The following SIPA1L3 variants were observed in gnomAD, a reference collection of about 807,000 sequenced individuals.
The protein encoded by SIPA1L3 is signal induced proliferation associated 1 like 3.
In SIPA1L3, 59 loss-of-function variants were observed where a neutral mutation model predicts 150.1. That is an observed-to-expected ratio of 0.39 (90% confidence interval 0.32 to 0.49). The LOEUF (loss-of-function observed/expected upper bound fraction) is 0.49, where lower values mean the gene tolerates loss of function less well. Ranked by LOEUF, SIPA1L3 falls within the 20% of genes least tolerant of loss-of-function variation. SIPA1L3 has a pLI of 0.86. For synonymous variants in SIPA1L3, 1,070 were observed against 1,077.6 expected (o/e 0.99, Z 0.14); for missense variants, 2,211 against 2,489.5 (o/e 0.89, Z 2.38).
At chr19:38,055,252 AAAGG>A (rs1356026435) in intron 2 of SIPA1L3, among the ~76,000 whole-genome samples, 1 of 152,138 alleles carries the variant, frequency 6.6e-6, no homozygotes, top group Non-Finnish European at 1.5e-5. Flanking sequence ...CATGAGAAGA[AAAGG>A]GAGGGAGGGC....
At chr19:38,119,206 CAA>C in intron 8 of SIPA1L3, 98 bp from the exon 9 acceptor site, 6 of 1,211,216 alleles carry the variant, frequency 5.0e-6, no homozygotes, top group Non-Finnish European at 6.9e-6. Context: ...ATAAAACAAA[CAA>C]ACAAAAAACC....
chr19:37,963,151 C>CT (rs879910897), intron 1 of SIPA1L3, among the ~76,000 whole-genome samples: 22 of 149,392 alleles, frequency 1.5e-4, no homozygotes, highest in South Asian at 2.1e-4. Context: ...CAGTTTCTTC[C>CT]TTTTTTTTTT....
At chr19:38,071,508 C>T (rs1600003973) in intron 2 of SIPA1L3, among the ~76,000 whole-genome samples, 3 of 152,150 alleles carry the variant, frequency 2.0e-5, no homozygotes, top group African/African-American at 7.2e-5. Context: ...AGGCTGATCT[C>T]GAACCTCTGA....
chr19:38,106,309 G>A (rs1158814325), intron 6 of SIPA1L3: 2 of 406,766 alleles, frequency 4.9e-6, no homozygotes, highest in Non-Finnish European at 9.1e-6. Flanking sequence ...GTTTCACCAT[G>A]TTGGCCAGGC....
intron 10 of SIPA1L3, among the ~76,000 whole-genome samples, chr19:38,135,986 G>A (rs931532819): frequency 6.6e-6 from 1 of 151,830 alleles, no homozygotes; most frequent in East Asian, 2.0e-4. Context: ...CTCAGACACC[G>A]AGGAGAATGC....
At chr19:37,928,481 G>T (rs1009495184) in intron 1 of SIPA1L3, among the ~76,000 whole-genome samples, 1 of 152,146 alleles carries the variant, frequency 6.6e-6, no homozygotes, top group Non-Finnish European at 1.5e-5. Flanking sequence ...TGAGGCAGGA[G>T]AATTGCTTGA....
chr19:38,111,964 T>TGCAC (rs1231444308), intron 8 of SIPA1L3, among the ~76,000 whole-genome samples: 1 of 145,776 alleles, frequency 6.9e-6, no homozygotes, highest in Non-Finnish European at 1.5e-5. Context: ...TGCACACACG[T>TGCAC]ACATGCACAC....
intron 4 of SIPA1L3, 59 bp from the exon 5 acceptor site, chr19:38,099,903 C>T: frequency 7.3e-7 from 1 of 1,369,980 alleles, no homozygotes; most frequent in African/African-American, 1.5e-5. Context: ...CTCTGCTATG[C>T]TCTTATCCCT....
chr19:37,981,351 G>A (rs886224052), intron 1 of SIPA1L3, among the ~76,000 whole-genome samples: 2 of 151,510 alleles, frequency 1.3e-5, no homozygotes, highest in Non-Finnish European at 2.9e-5. Context: ...TTGAACCCAG[G>A]AGGTCAAGGC....
intron 7 of SIPA1L3, among the ~76,000 whole-genome samples, chr19:38,107,831 G>A (rs1367378861): frequency 6.6e-6 from 1 of 152,040 alleles, no homozygotes; most frequent in Non-Finnish European, 1.5e-5. Flanking sequence ...ACAAAAATTA[G>A]CTAGGCATGG....
chr19:38,103,750 C>T (rs2382973), intron 6 of SIPA1L3, among the ~76,000 whole-genome samples: 53,910 of 150,352 alleles, frequency 0.36, 10,670 homozygotes, highest in East Asian at 0.6. Flanking sequence ...GGTGAAACAC[C>T]GTCTCTACTA....
At chr19:38,128,908 T>A (rs1247021467) in intron 9 of SIPA1L3, among the ~76,000 whole-genome samples, 10 of 151,258 alleles carry the variant, frequency 6.6e-5, no homozygotes, top group Admixed American at 6.6e-5. Context: ...AAAAAAAAAA[T>A]TTATTCCTTT....
intron 2 of SIPA1L3, among the ~76,000 whole-genome samples, chr19:38,041,534 C>T (rs1968922613): frequency 6.6e-6 from 1 of 152,128 alleles, no homozygotes. Context: ...GCCTCAGCCT[C>T]CCAAAGTGCT....
chr19:38,005,140 C>T, intron 1 of SIPA1L3, among the ~76,000 whole-genome samples: 1 of 151,884 alleles, frequency 6.6e-6, no homozygotes, highest in Non-Finnish European at 1.5e-5. Context: ...AGTCATTGCT[C>T]CCTCTGTCCC....
chr19:37,928,220 C>CT (rs1259245491), intron 1 of SIPA1L3, among the ~76,000 whole-genome samples: 1 of 152,128 alleles, frequency 6.6e-6, no homozygotes, highest in South Asian at 2.1e-4. Flanking sequence ...TTCAGGCAGT[C>CT]TGACTCCAGA....
rs967662650 is a variant in SIPA1L3, at chr19:38,082,945, A to G, written c.1380A>G (p.Ala460=). ...GSPSSGEGHL[A]EPALSAYRTN... ...CGAGCAGCGGCGAGGGCCACCTGGC[A>G]GAGCCCGCCCTGAGCGCCTACCGCA... Residue 460 remains alanine, a synonymous_variant, in exon 3 of 22, where the codon GCA becomes GCG. Coordinates refer to ENST00000222345, the MANE Select transcript of SIPA1L3 (RefSeq NM_015073.3). 2 of 1,612,986 alleles carry G rather than the reference A, an allele frequency of 1.2e-6. No individual in the cohort carries two copies. Among genetic ancestry groups the G allele is most frequent in the Non-Finnish European group, 1.7e-6 (2 of 1,179,874 alleles).
intron 1 of SIPA1L3, among the ~76,000 whole-genome samples, chr19:37,985,365 C>T (rs1967321687): frequency 1.3e-5 from 2 of 151,770 alleles, no homozygotes; most frequent in Admixed American, 6.6e-5. Flanking sequence ...GCCAATTTTA[C>T]GAAGAAAATT....
intron 1 of SIPA1L3, among the ~76,000 whole-genome samples, chr19:37,974,518 A>C: frequency 6.6e-6 from 1 of 152,086 alleles, no homozygotes. Flanking sequence ...TGTCTCAAAA[A>C]AAAAAAAAAA....
intron 9 of SIPA1L3, among the ~76,000 whole-genome samples, chr19:38,123,757 C>G (rs1487887902): frequency 7.2e-5 from 11 of 152,070 alleles, no homozygotes; most frequent in Non-Finnish European, 1.5e-4. Context: ...GTCATCATGG[C>G]CCGTTCTCAA....
Sources: gnomAD v4.1 joint callset for allele counts (sites outside exome capture counted in the v4.1 genomes callset) on GRCh38, gnomAD v4.1.1 for gene constraint, MANE v1.5 for transcripts, NCBI Gene and HGNC (gene_info 2026-07-23, HGNC 2026-07-21) for gene names.